Variants in MAF observed in about 807,000 individuals in gnomAD.
MAF encodes transcription factor Maf.
MAF carries 10 observed loss-of-function variants against 22.0 expected under a neutral mutation model. That is an observed-to-expected ratio of 0.45 (90% confidence interval 0.28 to 0.77). MAF has a LOEUF of 0.77. MAF is among the 30% of genes least tolerant of loss of function. MAF has a pLI of 0.12. For synonymous variants in MAF, 337 were observed against 255.8 expected (o/e 1.32, Z -3.03); for missense variants, 544 against 548.4 (o/e 0.99, Z 0.08).
the MAF span, among the ~76,000 whole-genome samples, chr16:79,537,053 GGGTGCACA>G: frequency 6.6e-6 from 1 of 152,144 alleles, no homozygotes; most frequent in African/African-American, 2.4e-5. Flanking sequence ...GTGTATGTGT[GGGTGCACA>G]TGTACCCAGA....
chr16:79,415,483 G>C, the MAF span, among the ~76,000 whole-genome samples: 34 of 152,312 alleles, frequency 2.2e-4, no homozygotes, highest in African/African-American at 6.0e-4. Flanking sequence ...TCCAGGAATA[G>C]AGCTATGTGT....
At chr16:79,505,191 A>G in the MAF span, among the ~76,000 whole-genome samples, 1 of 152,194 alleles carries the variant, frequency 6.6e-6, no homozygotes, top group Admixed American at 6.5e-5. Context: ...GCTTCACAAA[A>G]TTTTGTAAAG....
chr16:79,454,308 C>T, the MAF span, among the ~76,000 whole-genome samples: 1 of 152,070 alleles, frequency 6.6e-6, no homozygotes, highest in East Asian at 1.9e-4. Context: ...GGTGGGGCAT[C>T]AGGGTGAAAG....
the MAF span, among the ~76,000 whole-genome samples, chr16:79,300,331 T>G: frequency 2.0e-5 from 3 of 152,116 alleles, no homozygotes; most frequent in Non-Finnish European, 4.4e-5. Flanking sequence ...CCGAGCCAGG[T>G]GGATCACCAG....
the MAF span, among the ~76,000 whole-genome samples, chr16:79,304,057 G>C: frequency 3.3e-5 from 5 of 152,198 alleles, no homozygotes; most frequent in African/African-American, 4.8e-5. Flanking sequence ...AAGAAATATG[G>C]GTGGGAACCT....
the MAF span, among the ~76,000 whole-genome samples, chr16:79,358,295 A>C: frequency 4.0e-4 from 61 of 152,202 alleles, no homozygotes; most frequent in Non-Finnish European, 7.6e-4. Flanking sequence ...CCAGCAGGCT[A>C]CAGGGTGATG....
the MAF span, among the ~76,000 whole-genome samples, chr16:79,302,709 A>G: frequency 6.4e-4 from 98 of 152,356 alleles, no homozygotes; most frequent in Non-Finnish European, 1.0e-3. Context: ...ATCCATACTC[A>G]GGAAAAAGAA....
the MAF span, among the ~76,000 whole-genome samples, chr16:79,368,579 G>C: frequency 6.6e-6 from 1 of 152,100 alleles, no homozygotes; most frequent in Non-Finnish European, 1.5e-5. Context: ...TCCTTTCTCA[G>C]AGTAAATGTT....
At chr16:79,579,127 C>A in the MAF span, among the ~76,000 whole-genome samples, 1 of 152,138 alleles carries the variant, frequency 6.6e-6, no homozygotes, top group Non-Finnish European at 1.5e-5. Context: ...GCTAAGGAGC[C>A]CTATAGCTTA....
the MAF span, among the ~76,000 whole-genome samples, chr16:79,557,892 T>G: frequency 6.6e-6 from 1 of 151,102 alleles, no homozygotes; most frequent in South Asian, 2.1e-4. Flanking sequence ...GGCTCAAAAC[T>G]TCATTGGGCA....
At chr16:79,535,870 T>C in the MAF span, among the ~76,000 whole-genome samples, 3 of 152,108 alleles carry the variant, frequency 2.0e-5, no homozygotes, top group African/African-American at 7.2e-5. Flanking sequence ...CACACCCGGC[T>C]GCATTGCTAC....
At chr16:79,441,922 G>C in the MAF span, among the ~76,000 whole-genome samples, 51 of 152,332 alleles carry the variant, frequency 3.3e-4, 1 homozygote, top group Admixed American at 3.3e-3. Flanking sequence ...TAAGGGAAAG[G>C]AGGGGGAGAT....
At chr16:79,301,413 A>T in the MAF span, among the ~76,000 whole-genome samples, 1 of 151,958 alleles carries the variant, frequency 6.6e-6, no homozygotes, top group Non-Finnish European at 1.5e-5. Context: ...CAACTTAAGG[A>T]AGTGCATTTT....
At chr16:79,233,061 C>G in the MAF span, among the ~76,000 whole-genome samples, 5 of 151,894 alleles carry the variant, frequency 3.3e-5, no homozygotes, top group East Asian at 9.7e-4. Flanking sequence ...AGGATGGTCT[C>G]GATCTCCTGA....
chr16:79,598,728 C>T (rs150881265), intron 1 of MAF, 57 bp downstream of exon 1: 4 of 1,610,330 alleles, frequency 2.5e-6, no homozygotes, highest in Middle Eastern at 1.7e-4. Context: ...ACACCCGAGC[C>T]GGACCCCCGC....
At chr16:79,219,256 G>C in the MAF span, among the ~76,000 whole-genome samples, 1 of 152,106 alleles carries the variant, frequency 6.6e-6, no homozygotes, top group Non-Finnish European at 1.5e-5. Context: ...TGTTACTTTG[G>C]AATTGTGACA....
the MAF span, chr16:79,211,817 G>A: frequency 3.1e-6 from 5 of 1,613,518 alleles, no homozygotes; most frequent in African/African-American, 6.7e-5. Flanking sequence ...GAGCGGATGG[G>A]CACACACACC....
the MAF span, among the ~76,000 whole-genome samples, chr16:79,357,183 G>C: frequency 1.9e-3 from 278 of 150,048 alleles, 2 homozygotes; most frequent in African/African-American, 6.7e-3. Context: ...TTGAACTTGG[G>C]AGCCAGAGGT....
chr16:79,364,309 T>C, the MAF span, among the ~76,000 whole-genome samples: 11 of 152,058 alleles, frequency 7.2e-5, no homozygotes, highest in African/African-American at 2.7e-4. Context: ...GACAACAAAG[T>C]TGGGGGACCA....
Sources: allele counts gnomAD v4.1 joint callset (sites outside exome capture counted in the v4.1 genomes callset), GRCh38; gene constraint gnomAD v4.1.1; transcripts MANE v1.5; gene names NCBI Gene and HGNC (gene_info 2026-07-23, HGNC 2026-07-21).